ZDHHC13: variants seen among roughly 807,000 people sequenced by gnomAD.
The protein encoded by ZDHHC13 is zDHHC palmitoyltransferase 13.
In ZDHHC13, 85 loss-of-function variants were observed where a neutral mutation model predicts 86.0. That is an observed-to-expected ratio of 0.99 (90% CI 0.83 to 1.18). The LOEUF (loss-of-function observed/expected upper bound fraction) is 1.18, where lower values mean the gene tolerates loss of function less well. Ranked by LOEUF, ZDHHC13 falls within the 50% of genes most tolerant of loss-of-function variation. ZDHHC13 has a pLI of 0.00. For missense variants in ZDHHC13, 711 were observed against 730.2 expected (o/e 0.97, Z 0.30); for synonymous variants, 263 against 246.4 (o/e 1.07, Z -0.63).
chr11:19,171,609 A>G (rs1850223081), intron 15 of ZDHHC13, among the ~76,000 whole-genome samples: 1 of 152,234 alleles, frequency 6.6e-6, no homozygotes, highest in South Asian at 2.1e-4. Flanking sequence ...AAGAATAGAT[A>G]CTAGCATCTG....
chr11:19,141,180 C>T (rs1003080285), intron 1 of ZDHHC13, among the ~76,000 whole-genome samples: 1 of 151,884 alleles, frequency 6.6e-6, no homozygotes, highest in East Asian at 1.9e-4. Context: ...ATTACTTTAA[C>T]AGGAATCTAT....
At chr11:19,126,502 ATT>A (rs754405966) in intron 1 of ZDHHC13, among the ~76,000 whole-genome samples, 26 of 95,122 alleles carry the variant, frequency 2.7e-4, no homozygotes, top group African/African-American at 6.5e-4. Flanking sequence ...ACCCTGGCTA[ATT>A]TTTTTTTTTT....
At chr11:19,129,823 T>C (rs1590062039) in intron 1 of ZDHHC13, among the ~76,000 whole-genome samples, 2 of 152,134 alleles carry the variant, frequency 1.3e-5, no homozygotes, top group South Asian at 4.1e-4. Flanking sequence ...CCGGGTGCGG[T>C]CGCTCACACC....
At chr11:19,158,882 T>C (rs1849830426) in intron 9 of ZDHHC13, 58 bp from the exon 10 acceptor site, 2 of 1,179,314 alleles carry the variant, frequency 1.7e-6, no homozygotes, top group Non-Finnish European at 2.3e-6. Flanking sequence ...TAGGGAAATT[T>C]AGAACTAAAA....
In ZDHHC13 at chr11:19,117,182, G is replaced by A; in HGVS notation, c.-68G>A. 6.6e-7 allele frequency: 1 copy of A among 1,514,572 alleles called. No homozygotes were observed. The highest frequency in any genetic ancestry group is 2.5e-5 in the East Asian group (1 of 39,866). 93.8% of individuals were successfully genotyped at this position (1,514,572 alleles called of 1,614,324 possible). On this transcript the variant is annotated 5_prime_UTR_variant, in exon 1 of 17. Coordinates refer to ENST00000446113, the MANE Select transcript of ZDHHC13 (RefSeq NM_019028.3). This position sits in a 1 kb window ranked among gnomAD's most constrained non-coding sequence, Gnocchi z 4.2. ...GAAGTGGGAGAAGAGGCGACCCAAG[G>A]CGGGCTGGCGGGCTGGCGGCAGTCG...
At chr11:19,136,322 A>G (rs1289894080) in intron 1 of ZDHHC13, among the ~76,000 whole-genome samples, 3 of 152,220 alleles carry the variant, frequency 2.0e-5, no homozygotes, top group Non-Finnish European at 4.4e-5. Flanking sequence ...AAAGGGTATC[A>G]GTGATGGAAG....
intron 1 of ZDHHC13, among the ~76,000 whole-genome samples, chr11:19,138,184 AAAG>A (rs1183445679): frequency 4.6e-5 from 7 of 151,350 alleles, no homozygotes; most frequent in African/African-American, 9.7e-5. Context: ...ATAAAGAAAA[AAAG>A]AGAGAAGAAT....
intron 1 of ZDHHC13, among the ~76,000 whole-genome samples, chr11:19,120,465 T>G (rs141727042): frequency 5.3e-4 from 80 of 152,348 alleles, no homozygotes; most frequent in African/African-American, 1.8e-3. Context: ...AAGAAGAAGC[T>G]GCCAGTTTCT....
intron 9 of ZDHHC13, among the ~76,000 whole-genome samples, chr11:19,157,192 G>C (rs1849779227): frequency 6.6e-6 from 1 of 152,144 alleles, no homozygotes; most frequent in African/African-American, 2.4e-5. Context: ...TTATTTTCTT[G>C]TAGCACTTAA....
chr11:19,119,235 C>A (rs758327983), intron 1 of ZDHHC13, among the ~76,000 whole-genome samples: 1 of 152,086 alleles, frequency 6.6e-6, no homozygotes, highest in Non-Finnish European at 1.5e-5. Flanking sequence ...CTCAGCCTGC[C>A]GAGTAGCTGG....
intron 16 of ZDHHC13, among the ~76,000 whole-genome samples, chr11:19,174,410 C>T (rs1485563941): frequency 6.6e-6 from 1 of 152,222 alleles, no homozygotes; most frequent in Non-Finnish European, 1.5e-5. Flanking sequence ...GCATGCATCC[C>T]CACTGCCAAC....
chr11:19,140,817 C>G (rs1278354214), intron 1 of ZDHHC13, among the ~76,000 whole-genome samples: 1 of 149,750 alleles, frequency 6.7e-6, no homozygotes, highest in Admixed American at 6.7e-5. Flanking sequence ...ATTGCAAGAA[C>G]AAAAAACCAA....
At chr11:19,175,691 T>TCTACC in intron 16 of ZDHHC13, 131 bp from the exon 17 acceptor site, 1 of 996,870 alleles carries the variant, frequency 1.0e-6, no homozygotes, top group Non-Finnish European at 1.5e-6. Flanking sequence ...AACTATCTGA[T>TCTACC]CTACCCCATC....
chr11:19,164,218 G>A (rs911384927), intron 11 of ZDHHC13, 83 bp from the exon 12 acceptor site: 4 of 1,397,124 alleles, frequency 2.9e-6, no homozygotes, highest in African/African-American at 1.4e-5. Context: ...AGTTTGGAGC[G>A]AGAACTGTGA....
In ZDHHC13 at chr11:19,147,669, A is replaced by G. The variant is rs984600216; in HGVS notation, c.370A>G (p.Ile124Val). ...AAATTCAACTCCTCTTCACTGGGCCATCCGGTAAGGTTTCTTTGAACACTG... is the reference window on the plus strand; with the variant it reads ...AAATTCAACTCCTCTTCACTGGGCCGTCCGGTAAGGTTTCTTTGAACACTG... ...DLNSTPLHWAIRQGHLPMVIL... is the reference protein window; with the variant it reads ...DLNSTPLHWAVRQGHLPMVIL... The change falls in exon 4 of 17, where the codon ATC becomes GTC. Residue 124 changes from isoleucine (I) to valine (V), a missense_variant. Transcript: ENST00000446113. 10 of 1,597,086 alleles carry G rather than the reference A, an allele frequency of 6.3e-6. No individual in the cohort carries two copies. Among genetic ancestry groups the G allele is most frequent in the Non-Finnish European group, 7.7e-6 (9 of 1,170,894 alleles).
rs536072971 is a variant in ZDHHC13 at position 19,119,327 on chromosome 11, G to A, written c.27+2051G>A. ...TCACCATGTTGGCCAGGATGGTCTCGATCTCCTGACCTTGTGATCCGCCCG... is the reference window on the plus strand; with the variant it reads ...TCACCATGTTGGCCAGGATGGTCTCAATCTCCTGACCTTGTGATCCGCCCG... On this transcript the variant is annotated intron_variant, in intron 1 of 16. Transcript: ENST00000446113. Among the ~76,000 whole-genome samples the A allele has an allele frequency of 2.6e-5, 4 of 152,162 alleles. No homozygotes were observed. In the East Asian group the frequency reaches 5.8e-4, roughly 22 times the overall value.
chr11:19,132,750 GTATT>G, intron 1 of ZDHHC13, among the ~76,000 whole-genome samples: 1 of 151,978 alleles, frequency 6.6e-6, no homozygotes, highest in African/African-American at 2.4e-5. Context: ...CTCACCTTGT[GTATT>G]TGTTTTGTTT....
At chr11:19,147,735 A>C in intron 4 of ZDHHC13, 62 bp downstream of exon 4, 1 of 1,369,934 alleles carries the variant, frequency 7.3e-7, no homozygotes. Context: ...ACCATATAAA[A>C]AATCAGTTAT....
intron 16 of ZDHHC13, among the ~76,000 whole-genome samples, chr11:19,174,333 A>C (rs1368098754): frequency 6.6e-6 from 1 of 152,228 alleles, no homozygotes; most frequent in Non-Finnish European, 1.5e-5. Flanking sequence ...CAGGTAACTG[A>C]AACTGAAACC....
Sources: gnomAD v4.1 joint callset for allele counts (sites outside exome capture counted in the v4.1 genomes callset) on GRCh38, gnomAD v4.1.1 for gene constraint, Gnocchi (gnomAD v3.1) non-coding constraint, MANE v1.5 for transcripts, NCBI Gene and HGNC (gene_info 2026-07-23, HGNC 2026-07-21) for gene names.